Variants in COLGALT2 observed in about 807,000 individuals in gnomAD.
COLGALT2 encodes the protein collagen beta(1-O)galactosyltransferase 2.
A neutral mutation model predicts 73.4 loss-of-function variants in COLGALT2; 49 were observed. That is an observed-to-expected ratio of 0.67 (90% CI 0.53 to 0.85). The LOEUF is 0.85. Among genes scored for constraint, COLGALT2 ranks in the 40% least tolerant of loss-of-function variants. The probability of loss-of-function intolerance (pLI) is 0.00; values close to 1 mark genes in which losing one functional copy is unlikely to be tolerated. For missense variants in COLGALT2, 722 were observed against 790.2 expected, an observed-to-expected ratio of 0.91 and a Z score of 1.03; for synonymous variants, 295 against 307.6, an observed-to-expected ratio of 0.96 and a Z score of 0.43.
chr1:183,981,187 C>A (rs10797925), intron 1 of COLGALT2, among the ~76,000 whole-genome samples: 4 of 151,986 alleles, frequency 2.6e-5, no homozygotes, highest in African/African-American at 9.7e-5. Flanking sequence ...CATATACTCC[C>A]TGTATCTAAA....
chr1:183,936,985 TG>T lies in COLGALT2; in HGVS notation c.*1775del. On this transcript the variant is annotated 3_prime_UTR_variant, in exon 12 of 12. Coordinates refer to ENST00000361927, the MANE Select transcript of COLGALT2 (RefSeq NM_015101.4). Reference sequence around the variant, plus strand: ...GCTGCCTTGACTACCTATTTGGTGATGAGACAGCTTGGTGATCACTTTCTCT... The same window carrying T: ...GCTGCCTTGACTACCTATTTGGTGATAGACAGCTTGGTGATCACTTTCTCT... The T allele has an allele frequency of 8.1e-7, 1 of 1,231,734 alleles. No individual in the cohort carries two copies. The highest frequency in any genetic ancestry group is 1.0e-6 in the Non-Finnish European group (1 of 987,956). 76.3% of individuals were successfully genotyped at this position (1,231,734 alleles called of 1,614,324 possible).
At chr1:184,024,655 CTTT>C (rs35844838) in intron 1 of COLGALT2, among the ~76,000 whole-genome samples, 1 of 128,296 alleles carries the variant, frequency 7.8e-6, no homozygotes. Flanking sequence ...CCAGCCTCAG[CTTT>C]TTTTTTTTTT....
chr1:184,011,830 T>C (rs1242021919), intron 1 of COLGALT2, among the ~76,000 whole-genome samples: 1 of 152,198 alleles, frequency 6.6e-6, no homozygotes, highest in South Asian at 2.1e-4. Context: ...GACTGTGACA[T>C]AAACCAATAA....
At chr1:183,951,778 G>A (rs1670408668) in intron 7 of COLGALT2, among the ~76,000 whole-genome samples, 1 of 152,164 alleles carries the variant, frequency 6.6e-6, no homozygotes, top group Non-Finnish European at 1.5e-5. Flanking sequence ...TATCAAATGT[G>A]ATAAACAGAT....
At chr1:183,963,454 A>G (rs1009759796) in intron 6 of COLGALT2, among the ~76,000 whole-genome samples, 1 of 152,214 alleles carries the variant, frequency 6.6e-6, no homozygotes, top group African/African-American at 2.4e-5. Context: ...GCTATTATTA[A>G]GTTAAAGTCA....
intron 1 of COLGALT2, among the ~76,000 whole-genome samples, chr1:183,994,561 TCTCCTGCCTCAGC>T (rs1671720439): frequency 1.3e-5 from 2 of 152,298 alleles, no homozygotes; most frequent in South Asian, 4.1e-4. Flanking sequence ...TTCAAGCGAT[TCTCCTGCCTCAGC>T]CTCCCGAATA....
intron 1 of COLGALT2, among the ~76,000 whole-genome samples, chr1:184,018,841 A>G (rs1649086780): frequency 6.6e-6 from 1 of 152,180 alleles, no homozygotes; most frequent in Non-Finnish European, 1.5e-5. Context: ...AGGAAGAAAT[A>G]TTTCCTGCCA....
At chr1:183,978,310 A>C in intron 2 of COLGALT2, 100 bp downstream of exon 2, 1 of 654,950 alleles carries the variant, frequency 1.5e-6, no homozygotes, top group South Asian at 1.9e-5. Flanking sequence ...AATGAAAGAC[A>C]ATGAAAAGTC....
chr1:184,028,928 A>G (rs1649414297), intron 1 of COLGALT2, among the ~76,000 whole-genome samples: 1 of 152,240 alleles, frequency 6.6e-6, no homozygotes, highest in Non-Finnish European at 1.5e-5. Flanking sequence ...TGAATTTGAC[A>G]AACAACTAAA....
chr1:184,033,694 A>T (rs1198157905), intron 1 of COLGALT2, among the ~76,000 whole-genome samples: 1 of 152,238 alleles, frequency 6.6e-6, no homozygotes, highest in Non-Finnish European at 1.5e-5. Context: ...TGCAGTGCAG[A>T]TCTGGTCCAG....
At chr1:184,031,099 C>A (rs1649498009) in intron 1 of COLGALT2, among the ~76,000 whole-genome samples, 1 of 152,130 alleles carries the variant, frequency 6.6e-6, no homozygotes, top group South Asian at 2.1e-4. Context: ...TTGGAGGTTG[C>A]AGGGAGGATT....
At chr1:184,020,955 T>G (rs919319759) in intron 1 of COLGALT2, among the ~76,000 whole-genome samples, 1 of 152,052 alleles carries the variant, frequency 6.6e-6, no homozygotes, top group Non-Finnish European at 1.5e-5. Flanking sequence ...TCTCATGGCA[T>G]GGGGGCTGGC....
At chr1:184,012,344 C>T (rs560299187) in intron 1 of COLGALT2, among the ~76,000 whole-genome samples, 1 of 152,260 alleles carries the variant, frequency 6.6e-6, no homozygotes, top group South Asian at 2.1e-4. Context: ...TAAAGCCAAC[C>T]ATGTGTGTGT....
At position 183,938,964 on chromosome 1, in the gene COLGALT2, T is replaced by A; in HGVS notation, c.1678A>T (p.Thr560Ser). 4 of 1,613,940 alleles carry A rather than the reference T, an allele frequency of 2.5e-6. No homozygotes were observed. The highest frequency in any genetic ancestry group is 3.4e-6 in the Non-Finnish European group (4 of 1,179,998). The change falls in exon 12 of 12, where the codon ACG becomes TCG. Residue 560 changes from threonine (T) to serine (S), a missense_variant. By Grantham distance (58) the Thr-to-Ser change is moderately conservative. Coordinates refer to ENST00000361927, the MANE Select transcript of COLGALT2 (RefSeq NM_015101.4). ...TACCCCGGCTGGCCTGTGTAGTGCG[T>A]AGGGTAGATGAGCAAGGGTTCTGCA... ...FSAEPLLIYP[T>S]HYTGQPGYLS...
chr1:183,975,629 A>AGTAT (rs1321647575), intron 2 of COLGALT2, among the ~76,000 whole-genome samples: 1 of 152,230 alleles, frequency 6.6e-6, no homozygotes, highest in Non-Finnish European at 1.5e-5. Flanking sequence ...AGATTTGGAG[A>AGTAT]GTATGCAGTG....
At chr1:183,946,615 A>C (rs567302648) in intron 8 of COLGALT2, 13 of 152,358 alleles carry the variant, frequency 8.5e-5, no homozygotes, top group African/African-American at 2.6e-4. Flanking sequence ...AAAAGAATAG[A>C]AAAAGATATA....
chr1:183,986,028 C>G (rs185187579), intron 1 of COLGALT2, among the ~76,000 whole-genome samples: 52 of 152,304 alleles, frequency 3.4e-4, no homozygotes, highest in African/African-American at 1.3e-3. Context: ...GTCATATCAT[C>G]GAGTCCCGCC....
rs1161475997 is a variant in COLGALT2, at chr1:184,037,363, G to A, written c.-6C>T. On this transcript the variant is annotated 5_prime_UTR_variant, in exon 1 of 12. Transcript: ENST00000361927. ...GCAGCAGGGCGCGCAGCCATGTTCCGGGCCGAGGCGGGCGGCGGGGAAGTC... is the reference window on the plus strand; with the variant it reads ...GCAGCAGGGCGCGCAGCCATGTTCCAGGCCGAGGCGGGCGGCGGGGAAGTC... The A allele has an allele frequency of 1.4e-5, 20 of 1,411,078 alleles. 1 individual carries two copies. In the Admixed American group the frequency reaches 4.0e-4, roughly 28 times the overall value. 87.4% of individuals were successfully genotyped at this position (1,411,078 alleles called of 1,614,324 possible). A position where few individuals can be genotyped will look rare whatever the true frequency, so the allele number is the denominator to read the frequency against.
chr1:183,970,727 T>A (rs1261457322), intron 4 of COLGALT2, among the ~76,000 whole-genome samples: 1 of 152,182 alleles, frequency 6.6e-6, no homozygotes, highest in Non-Finnish European at 1.5e-5. Context: ...GCTCTGTCAA[T>A]CTCATAGAGC....
Sources: allele counts gnomAD v4.1 joint callset (sites outside exome capture counted in the v4.1 genomes callset), GRCh38; gene constraint gnomAD v4.1.1; transcripts MANE v1.5; gene names NCBI Gene and HGNC (gene_info 2026-07-23, HGNC 2026-07-21).